SEMA6A: variants seen among roughly 807,000 people sequenced by gnomAD.
SEMA6A encodes the protein semaphorin 6A.
SEMA6A carries 25 observed loss-of-function variants against 96.8 expected under a neutral mutation model. The ratio of observed to expected loss-of-function variants is 0.26; its 90% CI spans 0.19 to 0.36. The LOEUF (loss-of-function observed/expected upper bound fraction) is 0.36, where lower values mean the gene tolerates loss of function less well. SEMA6A is among the 10% of genes least tolerant of loss of function. SEMA6A has a pLI of 1.00. For synonymous variants in SEMA6A, 612 were observed against 518.0 expected, an observed-to-expected ratio of 1.18 and a Z score of -2.46; for missense variants, 1,363 against 1,323.1, an observed-to-expected ratio of 1.03 and a Z score of -0.47.
chr5:116,465,032 G>A (rs1424386858), intron 18 of SEMA6A, among the ~76,000 whole-genome samples: 1 of 152,218 alleles, frequency 6.6e-6, no homozygotes, highest in East Asian at 1.9e-4. Flanking sequence ...TAAAGCTGGG[G>A]CACACAAATG....
At chr5:116,551,097 C>T (rs1167908802) in intron 1 of SEMA6A, among the ~76,000 whole-genome samples, 1 of 152,062 alleles carries the variant, frequency 6.6e-6, no homozygotes, top group African/African-American at 2.4e-5. Flanking sequence ...AGATGAGTGG[C>T]TTTATGGAAT....
chr5:116,447,784 C>T lies in SEMA6A; in HGVS notation c.1922G>A (p.Gly641Asp). 6.2e-7 allele frequency: 1 copy of T among 1,602,506 alleles called. No homozygotes were observed. Among genetic ancestry groups the T allele is most frequent in the Non-Finnish European group, 8.5e-7 (1 of 1,171,312 alleles). The change falls in exon 19 of 19, where the codon GGC becomes GAC. Residue 641 changes from glycine to aspartate, a missense_variant. This residue lies in a region of SEMA6A where 883 missense variants were observed against 763.6 expected (regional missense o/e 1.16). Transcript: ENST00000343348. ...KGVIRESYLK[G>D]HDQLVPVTLL... ...GGTGACGGGAACCAGCTGGTCGTGGCCTTTGAGGTAACTTTCCCGAATCAC... is the reference window on the plus strand; with the variant it reads ...GGTGACGGGAACCAGCTGGTCGTGGTCTTTGAGGTAACTTTCCCGAATCAC...
At chr5:116,531,078 T>C (rs1334772583) in intron 1 of SEMA6A, among the ~76,000 whole-genome samples, 1 of 152,092 alleles carries the variant, frequency 6.6e-6, no homozygotes, top group Admixed American at 6.6e-5. Context: ...TTAAGTACTA[T>C]GTGTATTGCC....
intron 1 of SEMA6A, among the ~76,000 whole-genome samples, chr5:116,564,566 C>G (rs532421888): frequency 6.6e-6 from 1 of 152,296 alleles, no homozygotes; most frequent in Admixed American, 6.5e-5. Flanking sequence ...CTGCATCACA[C>G]GTGAAGCACA....
intron 1 of SEMA6A, chr5:116,562,447 A>G (rs1760853375): frequency 5.9e-6 from 2 of 340,600 alleles, no homozygotes; most frequent in South Asian, 3.4e-5. Flanking sequence ...GCACATTAAC[A>G]TCCTAATTCA....
At chr5:116,547,722 G>A (rs1760239249) in intron 1 of SEMA6A, among the ~76,000 whole-genome samples, 1 of 104,640 alleles carries the variant, frequency 9.6e-6, no homozygotes, top group Non-Finnish European at 1.8e-5. Flanking sequence ...AAACTGCTAT[G>A]TATCTGATAC....
At chr5:116,562,000 T>G (rs763085209) in intron 1 of SEMA6A, among the ~76,000 whole-genome samples, 53 of 152,156 alleles carry the variant, frequency 3.5e-4, no homozygotes, top group Non-Finnish European at 6.6e-4. Flanking sequence ...ATGTGTTACC[T>G]TTTCTCTTGG....
At chr5:116,522,512 A>ATATGG (rs376676518) in intron 1 of SEMA6A, among the ~76,000 whole-genome samples, 1 of 152,290 alleles carries the variant, frequency 6.6e-6, no homozygotes, top group African/African-American at 2.4e-5. Context: ...AGATGGATGT[A>ATATGG]TATGGTGGCT....
chr5:116,544,771 G>T (rs2112870871), intron 1 of SEMA6A, among the ~76,000 whole-genome samples: 1 of 152,294 alleles, frequency 6.6e-6, no homozygotes, highest in Middle Eastern at 3.4e-3. Flanking sequence ...CACTGATAGA[G>T]GCAACTATGC....
At position 116,486,818 on chromosome 5, in the gene SEMA6A, GC is replaced by G; in HGVS notation, c.892del (p.Ala298GlnfsTer5). On this transcript the variant is annotated frameshift_variant, in exon 10 of 19. Coordinates refer to ENST00000343348, the MANE Select transcript of SEMA6A (RefSeq NM_020796.5). LOFTEE classifies it high-confidence loss of function. ...DSHFYFNILQAVTDVIRINGR... is the reference protein window; with the variant it reads ...DSHFYFNILQXVTDVIRINGR... ...GTTGATACGAATCACATCTGTAACT[GC>G]CTGGAGAATGTTGAAATAAAAATGA... 6.2e-7 allele frequency: 1 copy of G among 1,613,806 alleles called. No homozygotes were observed. The highest frequency in any genetic ancestry group is 8.5e-7 in the Non-Finnish European group (1 of 1,179,780).
intron 10 of SEMA6A, among the ~76,000 whole-genome samples, chr5:116,484,617 C>T (rs1756950461): frequency 1.3e-5 from 2 of 149,508 alleles, no homozygotes; most frequent in African/African-American, 5.0e-5. Context: ...AGCGAGACTC[C>T]GTCTCAGGAA....
chr5:116,553,151 G>A (rs754497891), intron 1 of SEMA6A, among the ~76,000 whole-genome samples: 3 of 152,138 alleles, frequency 2.0e-5, no homozygotes, highest in African/African-American at 7.2e-5. Flanking sequence ...TGAATAATAC[G>A]TTACATAATT....
intron 18 of SEMA6A, among the ~76,000 whole-genome samples, chr5:116,454,121 A>G (rs888913503): frequency 5.9e-5 from 9 of 152,154 alleles, no homozygotes; most frequent in Non-Finnish European, 1.0e-4. Context: ...AGTGATTAAT[A>G]GGCATCTGTG....
At chr5:116,493,769 C>G (rs1177352587) in intron 6 of SEMA6A, among the ~76,000 whole-genome samples, 2 of 152,186 alleles carry the variant, frequency 1.3e-5, no homozygotes, top group African/African-American at 4.8e-5. Context: ...CTTCCCACTC[C>G]TAGGGTTTCA....
chr5:116,548,047 CAG>C (rs1221493912), intron 1 of SEMA6A, among the ~76,000 whole-genome samples: 1 of 152,202 alleles, frequency 6.6e-6, no homozygotes, highest in Admixed American at 6.5e-5. Flanking sequence ...CATCTGCAAA[CAG>C]GGATGTCTGG....
intron 1 of SEMA6A, among the ~76,000 whole-genome samples, chr5:116,532,383 G>A (rs1325399008): frequency 1.3e-5 from 2 of 152,204 alleles, no homozygotes. Flanking sequence ...TTTTATGCAG[G>A]TGCAAGAAAT....
chr5:116,477,100 ACCT>A (rs1228031853), intron 15 of SEMA6A, among the ~76,000 whole-genome samples: 1 of 152,186 alleles, frequency 6.6e-6, no homozygotes, highest in Non-Finnish European at 1.5e-5. Context: ...GTGCTGTCTA[ACCT>A]CCTAAACTGC....
intron 1 of SEMA6A, among the ~76,000 whole-genome samples, chr5:116,541,146 G>A (rs1759945099): frequency 1.3e-5 from 2 of 152,116 alleles, no homozygotes; most frequent in South Asian, 2.1e-4. Context: ...GGGTGTTGGG[G>A]TGGAGGGTAA....
At chr5:116,572,287 C>T (rs1040321739) in intron 1 of SEMA6A, among the ~76,000 whole-genome samples, 4 of 152,124 alleles carry the variant, frequency 2.6e-5, no homozygotes, top group African/African-American at 4.8e-5. Flanking sequence ...CATTCAGTAG[C>T]GTAAAAAAGC....
Sources: allele counts gnomAD v4.1 joint callset (sites outside exome capture counted in the v4.1 genomes callset), GRCh38; gene constraint gnomAD v4.1.1; regional missense constraint gnomAD v4.1.1; transcripts MANE v1.5; gene names NCBI Gene and HGNC (gene_info 2026-07-23, HGNC 2026-07-21).